FUNDC1: variants seen among roughly 807,000 people sequenced by gnomAD.
FUNDC1 encodes FUN14 domain containing 1, also known as FUN14 domain-containing protein 1.
Under a neutral mutation model 14.5 loss-of-function variants are expected in FUNDC1, and 10 were observed. The ratio of observed to expected loss-of-function variants is 0.69; its 90% CI spans 0.43 to 1.17. FUNDC1 has a LOEUF of 1.17. Among genes scored for constraint, FUNDC1 ranks in the 50% most tolerant of loss-of-function variants. The probability of loss-of-function intolerance (pLI) is 0.00; values close to 1 mark genes in which losing one functional copy is unlikely to be tolerated. For missense variants in FUNDC1, 115 were observed against 113.8 expected (o/e 1.01, Z -0.05); for synonymous variants, 33 against 39.7 (o/e 0.83, Z 0.64).
chrX:44,540,113 A>G (rs1255852673), intron 2 of FUNDC1, among the ~76,000 whole-genome samples: 1 of 110,930 alleles, frequency 9.0e-6, no homozygotes, highest in Non-Finnish European at 1.9e-5. Flanking sequence ...GCAAGGACCC[A>G]TCCTAATAGT....
intron 3 of FUNDC1, among the ~76,000 whole-genome samples, chrX:44,532,232 G>A (rs760115123): frequency 1.3e-4 from 14 of 108,743 alleles, no homozygotes; most frequent in South Asian, 4.0e-4. Context: ...CCATCTCTAC[G>A]GAAAATACAA....
At chrX:44,538,666 C>T in intron 2 of FUNDC1, 124 bp from the exon 3 acceptor site, 1 of 503,624 alleles carries the variant, frequency 2.0e-6, no homozygotes, top group African/African-American at 2.3e-5. Context: ...ACATCCCTTA[C>T]CTGCTCAGAA....
rs189566844 is a variant in FUNDC1, at chrX:44,537,606, C to T, written c.261+861G>A. ...AACAACTCAAAATCTGTGCTTCATA[C>T]ATACAAATCTAGTCCCCTTGTACTA... On this transcript the variant is annotated intron_variant, in intron 3 of 4. Transcript: ENST00000378045. 2.7e-5 allele frequency among the ~76,000 whole-genome samples: 3 copies of T among 112,140 alleles called. No homozygotes were observed. The East Asian group carries it at 8.4e-4, about 31-fold the overall frequency.
intron 3 of FUNDC1, among the ~76,000 whole-genome samples, chrX:44,530,922 T>C (rs1456091302): frequency 2.8e-5 from 3 of 108,326 alleles, no homozygotes; most frequent in Admixed American, 1.0e-4. Flanking sequence ...AGGGAGACTG[T>C]CTCAAAAATA....
At chrX:44,536,139 C>A (rs1299850912) in intron 3 of FUNDC1, among the ~76,000 whole-genome samples, 1 of 109,323 alleles carries the variant, frequency 9.1e-6, no homozygotes, top group African/African-American at 3.3e-5. Context: ...TGGTGAAACC[C>A]CATCTCTACT....
At chrX:44,527,396 C>T (rs749689460) in intron 3 of FUNDC1, 31 bp from the exon 4 acceptor site, 4 of 1,079,721 alleles carry the variant, frequency 3.7e-6, no homozygotes, top group Admixed American at 2.6e-5. Context: ...ATTATCAATA[C>T]TATACCAACT....
intron 3 of FUNDC1, among the ~76,000 whole-genome samples, chrX:44,538,159 T>C: frequency 9.0e-6 from 1 of 111,730 alleles, no homozygotes; most frequent in East Asian, 2.8e-4. Flanking sequence ...AATTTTTGTA[T>C]TTTCAGTAGA....
At chrX:44,542,391 C>T (rs2038975873) in intron 1 of FUNDC1, 5 of 373,618 alleles carry the variant, frequency 1.3e-5, no homozygotes, top group Non-Finnish European at 1.8e-5. Context: ...GTCACCCCCA[C>T]CTCCAAACCT....
At chrX:44,529,016 C>A (rs2038912677) in intron 3 of FUNDC1, among the ~76,000 whole-genome samples, 1 of 112,029 alleles carries the variant, frequency 8.9e-6, no homozygotes, top group African/African-American at 3.2e-5. Flanking sequence ...TTATCTATAC[C>A]ACCACTCATC....
chrX:44,527,213 A>T, intron 4 of FUNDC1, 24 bp downstream of exon 4: 1 of 1,116,293 alleles, frequency 9.0e-7, no homozygotes, highest in Non-Finnish European at 1.2e-6. Flanking sequence ...AAAAAAAAAA[A>T]GTCAAAATTA....
intron 3 of FUNDC1, among the ~76,000 whole-genome samples, chrX:44,537,974 T>TTTTTG (rs1000782244): frequency 6.2e-5 from 7 of 112,344 alleles, no homozygotes; most frequent in Admixed American, 9.5e-5. Context: ...AGATTATGGA[T>TTTTTG]TTTTGTTTTG....
chrX:44,527,316 T>C lies in FUNDC1; in HGVS notation c.311A>G (p.Lys104Arg). Residue 104 changes from lysine (K) to arginine (R), a missense_variant, in exon 4 of 5, where the codon AAA (lysine) becomes AGA (arginine). Physicochemically the swap from Lys to Arg is conservative, Grantham distance 26 (BLOSUM62 2). Coordinates refer to ENST00000378045, the MANE Select transcript of FUNDC1 (RefSeq NM_173794.4). ...CTGTCTTTTTGCTTTATTTACATCT[T>C]TTTCAACTCTCTTCCAGTCAATCTG... is the stretch of plus-strand genomic sequence containing the variant. ...YVQIDWKRVEKDVNKAKRQIK... is the reference protein window; with the variant it reads ...YVQIDWKRVERDVNKAKRQIK... 8.4e-7 allele frequency: 1 copy of C among 1,196,296 alleles called. No individual in the cohort carries two copies. The highest frequency in any genetic ancestry group is 1.1e-6 in the Non-Finnish European group (1 of 884,280).
chrX:44,529,853 A>AAG (rs990062325), intron 3 of FUNDC1, among the ~76,000 whole-genome samples: 1 of 111,927 alleles, frequency 8.9e-6, no homozygotes, highest in Non-Finnish European at 1.9e-5. Flanking sequence ...TGCCTTAAAA[A>AAG]AGAGAGAGAG....
At chrX:44,534,766 T>C (rs1273036297) in intron 3 of FUNDC1, among the ~76,000 whole-genome samples, 1 of 112,175 alleles carries the variant, frequency 8.9e-6, no homozygotes, top group African/African-American at 3.2e-5. Flanking sequence ...TTTTCAGACA[T>C]GCAAAGTCTC....
intron 2 of FUNDC1, among the ~76,000 whole-genome samples, chrX:44,539,132 T>C (rs1359285451): frequency 8.9e-6 from 1 of 111,808 alleles, no homozygotes; most frequent in East Asian, 2.8e-4. Flanking sequence ...TATCTATATC[T>C]ACCTATTTTT....
At chrX:44,540,414 T>TTGTGTGTGTA (rs1555923157) in intron 2 of FUNDC1, among the ~76,000 whole-genome samples, 12,497 of 96,479 alleles carry the variant, frequency 0.13, 644 homozygotes, top group African/African-American at 0.21. Flanking sequence ...AATGTGTGTG[T>TTGTGTGTGTA]TGTGTGTGTG....
intron 3 of FUNDC1, among the ~76,000 whole-genome samples, chrX:44,538,129 C>A (rs923400598): frequency 4.5e-5 from 5 of 111,653 alleles, no homozygotes; most frequent in Non-Finnish European, 7.5e-5. Context: ...CTACTACAGG[C>A]GTGCACCACC....
chrX:44,542,312 CCCAA>C (rs1470207783), intron 1 of FUNDC1: 22 of 403,771 alleles, frequency 5.4e-5, no homozygotes, highest in Non-Finnish European at 9.3e-5. Context: ...CATCTGCTTT[CCCAA>C]AGGCCCGGGG....
intron 3 of FUNDC1, among the ~76,000 whole-genome samples, chrX:44,532,286 G>A (rs1008078479): frequency 1.9e-5 from 2 of 107,545 alleles, no homozygotes; most frequent in South Asian, 4.2e-4. Context: ...GCAGCTACTC[G>A]GGAGGCTAAG....
Sources: gnomAD v4.1 joint callset for allele counts (sites outside exome capture counted in the v4.1 genomes callset) on GRCh38, gnomAD v4.1.1 for gene constraint, MANE v1.5 for transcripts, NCBI Gene and HGNC (gene_info 2026-07-23, HGNC 2026-07-21) for gene names.